Variants in PTPRN2 observed in about 807,000 individuals in gnomAD.
The protein encoded by PTPRN2 is protein tyrosine phosphatase receptor type N2, also known as receptor-type tyrosine-protein phosphatase N2.
Under a neutral mutation model 118.8 loss-of-function variants are expected in PTPRN2, and 74 were observed. The observed-to-expected ratio is 0.62, with a 90% confidence interval of 0.52 to 0.76. The LOEUF is 0.76. PTPRN2 is among the 30% of genes least tolerant of loss of function. PTPRN2 has a pLI of 0.00. For missense variants in PTPRN2, 1,481 were observed against 1,394.4 expected (o/e 1.06, Z -0.99); for synonymous variants, 641 against 608.0 (o/e 1.05, Z -0.80).
At position 158,578,285 on chromosome 7, in the gene PTPRN2, T is replaced by TG. The variant is rs1828444638; in HGVS notation, c.112+9272_112+9273insC. On this transcript the variant is annotated intron_variant, in intron 1 of 22. Transcript: ENST00000389418. ...GTATGAATATTATTTAAGTCACCTTTTTTTTTTTTTGAGATTCCAGAGGCC... is the reference window on the plus strand; with the variant it reads ...GTATGAATATTATTTAAGTCACCTTTGTTTTTTTTTTGAGATTCCAGAGGCC... Among the ~76,000 whole-genome samples the TG allele has an allele frequency of 2.6e-5, 4 of 151,730 alleles. No homozygotes were observed. The South Asian group carries it at 8.3e-4, about 32-fold the overall frequency.
intron 2 of PTPRN2, among the ~76,000 whole-genome samples, chr7:158,454,659 A>C (rs901925455): frequency 6.6e-6 from 1 of 152,184 alleles, no homozygotes; most frequent in Non-Finnish European, 1.5e-5. Context: ...TATGGAGGAC[A>C]GACAAGACAC....
At chr7:158,497,326 G>A (rs536443455) in intron 1 of PTPRN2, among the ~76,000 whole-genome samples, 15 of 148,698 alleles carry the variant, frequency 1.0e-4, no homozygotes, top group African/African-American at 3.5e-4. Flanking sequence ...ACTGCACGTA[G>A]GGGTGGGTGT....
intron 12 of PTPRN2, among the ~76,000 whole-genome samples, chr7:157,732,104 C>T (rs77992914): frequency 0.66 from 15,923 of 24,084 alleles, 4,119 homozygotes; most frequent in East Asian, 0.74. Context: ...TCCCGTCCCA[C>T]GCGCCCAGCA....
At position 158,564,820 on chromosome 7, in the gene PTPRN2, C is replaced by T. The variant is rs1438252610; in HGVS notation, c.112+22738G>A. ...GATCCCTTCTCAGCCCAGGAAATGG[C>T]TCTGTGGCCCATATCAGCCAGGAAA... On this transcript the variant is annotated intron_variant, in intron 1 of 22. Coordinates refer to ENST00000389418, the MANE Select transcript of PTPRN2 (RefSeq NM_002847.5). Among the ~76,000 whole-genome samples, 3 of 152,276 alleles carry T rather than the reference C, an allele frequency of 2.0e-5. No homozygotes were observed. In the South Asian group the frequency reaches 6.2e-4, roughly 32 times the overall value.
chr7:158,212,557 G>A (rs762722635), intron 3 of PTPRN2, among the ~76,000 whole-genome samples: 1 of 152,088 alleles, frequency 6.6e-6, no homozygotes, highest in Non-Finnish European at 1.5e-5. Flanking sequence ...GACTTAATGG[G>A]TGCTGACTAT....
rs908879239 is a variant in PTPRN2 at position 157,953,733 on chromosome 7, G to A, written c.1724-54996C>T. On this transcript the variant is annotated intron_variant, in intron 11 of 22. Transcript: ENST00000389418. The surrounding 1 kb of genome is among the most constrained non-coding windows in gnomAD (Gnocchi z 4.6). ...GGCCAAGTCTGAGGACTCAGACCCG[G>A]GGCAGCTGGTGGAAGCTGGGGTTAA... Among the ~76,000 whole-genome samples, 2 of 152,126 alleles carry A rather than the reference G, an allele frequency of 1.3e-5. No individual in the cohort carries two copies. The highest frequency in any genetic ancestry group is 2.9e-5 in the Non-Finnish European group (2 of 68,020).
rs1418782289 is a variant in PTPRN2, at chr7:157,784,025, A to G, written c.1789-101088T>C. ...GATGAGTGGCTGAAACATTTCCCAC[A>G]TGGTTGGAGTTTAAGTCTCTCAAGG... On this transcript the variant is annotated intron_variant, in intron 12 of 22. Transcript: ENST00000389418. This position sits in a 1 kb window ranked among gnomAD's most constrained non-coding sequence, Gnocchi z 4.6. Among the ~76,000 whole-genome samples, 1 of 152,110 alleles carries G rather than the reference A, an allele frequency of 6.6e-6. No homozygotes were observed. Among genetic ancestry groups the G allele is most frequent in the African/African-American group, 2.4e-5 (1 of 41,428 alleles).
chr7:158,428,470 A>ACCGT, intron 2 of PTPRN2, among the ~76,000 whole-genome samples: 1 of 152,350 alleles, frequency 6.6e-6, no homozygotes, highest in African/African-American at 2.4e-5. Flanking sequence ...CGATCTGAGG[A>ACCGT]AACGGCTGCT....
rs117425509 is a variant in PTPRN2 at position 158,380,954 on chromosome 7, A to G, written c.164-64022T>C. Among the ~76,000 whole-genome samples, 382 of 152,352 alleles carry G rather than the reference A, an allele frequency of 2.5e-3. 6 individuals are homozygous for G. The highest frequency in any genetic ancestry group is 0.019 in the Admixed American group (293 of 15,308). On this transcript the variant is annotated intron_variant, in intron 2 of 22. Transcript: ENST00000389418. ...TCTGAAGCCACAGCCTGAGCTCCAC[A>G]TTGACTCATTTCAGCCACAACTGGA...
At position 158,093,673 on chromosome 7, in the gene PTPRN2, T is replaced by A. The variant is rs1193421687; in HGVS notation, c.1644-12296A>T. The stretch of plus-strand genomic sequence containing the variant: ...ACATCGGGAACATAAAACTCCGGAA[T>A]TCCACGTGGATAGCATAATGCATAC... On this transcript the variant is annotated intron_variant, in intron 10 of 22. Coordinates refer to ENST00000389418, the MANE Select transcript of PTPRN2 (RefSeq NM_002847.5). This position sits in a 1 kb window ranked among gnomAD's most constrained non-coding sequence, Gnocchi z 4.4. 6.6e-6 allele frequency among the ~76,000 whole-genome samples: 1 copy of A among 152,216 alleles called. No individual in the cohort carries two copies. Among genetic ancestry groups the A allele is most frequent in the Non-Finnish European group, 1.5e-5 (1 of 68,032 alleles).
At chr7:158,004,910 T>C (rs868468696) in intron 11 of PTPRN2, among the ~76,000 whole-genome samples, 2 of 152,180 alleles carry the variant, frequency 1.3e-5, no homozygotes, top group African/African-American at 4.8e-5. Context: ...TCTTAGGGTA[T>C]GAAGTGTGTT....
chr7:157,847,501 C>T lies in PTPRN2; in HGVS notation c.1788+51172G>A, dbSNP rs1314880529. Reference sequence around the variant, plus strand: ...CCGATGTCTACAGAGCCCTCTCTCACTCCATCATGCGTGCCCGATGTCTAC... The same window carrying T: ...CCGATGTCTACAGAGCCCTCTCTCATTCCATCATGCGTGCCCGATGTCTAC... On this transcript the variant is annotated intron_variant, in intron 12 of 22. Coordinates refer to ENST00000389418, the MANE Select transcript of PTPRN2 (RefSeq NM_002847.5). Among the ~76,000 whole-genome samples the T allele has an allele frequency of 6.9e-5, 10 of 144,584 alleles. No individual in the cohort carries two copies. In the South Asian group the frequency reaches 7.0e-4, roughly 10 times the overall value. 94.9% of individuals were successfully genotyped at this position (144,584 alleles called of 152,430 possible).
intron 11 of PTPRN2, among the ~76,000 whole-genome samples, chr7:157,933,348 G>A (rs1335300824): frequency 6.7e-6 from 1 of 149,096 alleles, no homozygotes; most frequent in Non-Finnish European, 1.5e-5. Flanking sequence ...TTTAGAGGAG[G>A]GGTGAGTCAC....
chr7:158,359,784 G>A (rs575299889), intron 2 of PTPRN2, among the ~76,000 whole-genome samples: 11 of 152,158 alleles, frequency 7.2e-5, no homozygotes, highest in Non-Finnish European at 1.5e-4. Context: ...GATTAAGAAT[G>A]GCAGCCCAAG....
At chr7:158,231,103 T>TA (rs1230408048) in intron 3 of PTPRN2, among the ~76,000 whole-genome samples, 5 of 151,998 alleles carry the variant, frequency 3.3e-5, no homozygotes, top group East Asian at 1.9e-4. Flanking sequence ...TCCATCTCTA[T>TA]AAAAAAATCA....
chr7:157,771,740 C>T (rs73521435), intron 12 of PTPRN2, among the ~76,000 whole-genome samples: 3,922 of 151,588 alleles, frequency 0.026, 169 homozygotes, highest in African/African-American at 0.09. Flanking sequence ...CACAAACAGA[C>T]GCAGATACAG....
intron 13 of PTPRN2, among the ~76,000 whole-genome samples, chr7:157,670,512 G>C (rs951067165): frequency 1.3e-5 from 2 of 152,180 alleles, no homozygotes; most frequent in Admixed American, 1.3e-4. Flanking sequence ...GGTCTTTAAT[G>C]CTTCCATAAA....
chr7:158,372,300 T>C (rs1330602470), intron 2 of PTPRN2, among the ~76,000 whole-genome samples: 1 of 133,244 alleles, frequency 7.5e-6, no homozygotes. Flanking sequence ...CCGGAGCTGG[T>C]CCCCCCAACG....
intron 12 of PTPRN2, among the ~76,000 whole-genome samples, chr7:157,735,043 T>G (rs1309011685): frequency 6.6e-6 from 1 of 152,248 alleles, no homozygotes; most frequent in Non-Finnish European, 1.5e-5. Flanking sequence ...GGACGGTTAG[T>G]GGTGCCGCTG....
Sources: gnomAD v4.1 joint callset for allele counts (sites outside exome capture counted in the v4.1 genomes callset) on GRCh38, gnomAD v4.1.1 for gene constraint, Gnocchi (gnomAD v3.1) non-coding constraint, MANE v1.5 for transcripts, NCBI Gene and HGNC (gene_info 2026-07-23, HGNC 2026-07-21) for gene names.